Variants in CLTC observed in about 807,000 individuals in gnomAD.
CLTC encodes clathrin heavy chain, also known as clathrin heavy chain 1.
Under a neutral mutation model 195.8 loss-of-function variants are expected in CLTC, and 16 were observed. The observed-to-expected ratio is 0.08, with a 90% confidence interval of 0.06 to 0.12. The LOEUF is 0.12. Among genes scored for constraint, CLTC ranks in the 10% least tolerant of loss-of-function variants. CLTC has a pLI of 1.00. For synonymous variants in CLTC, 667 were observed against 689.4 expected (o/e 0.97, Z 0.51); for missense variants, 796 against 2,027.0 (o/e 0.39, Z 11.66).
rs547001087 is a variant in CLTC at position 59,683,810 on chromosome 17, C to T, written c.4323+54C>T. On this transcript the variant is annotated intron_variant, in intron 27 of 31. Transcript: ENST00000269122. The surrounding 1 kb of genome is among the most constrained non-coding windows in gnomAD (Gnocchi z 6.1). ...CATAGCAAGGAATTAGGACATACTT[C>T]GATAACTTTTGTCCCTGGGACTTCA... The T allele has an allele frequency of 1.6e-4, 264 of 1,612,160 alleles. No homozygotes were observed. Among genetic ancestry groups the T allele is most frequent in the Non-Finnish European group, 2.1e-4 (245 of 1,178,438 alleles).
At chr17:59,660,733 CT>C in intron 7 of CLTC, 145 bp downstream of exon 7, 2 of 764,174 alleles carry the variant, frequency 2.6e-6, no homozygotes, top group Non-Finnish European at 4.2e-6. Context: ...AGTAGAATTC[CT>C]TGTCAATGCC....
chr17:59,686,295 A>G (rs1163459699), intron 30 of CLTC, among the ~76,000 whole-genome samples: 2 of 151,592 alleles, frequency 1.3e-5, no homozygotes, highest in Non-Finnish European at 2.9e-5. Context: ...GGAGGTGAAC[A>G]TGGGAAAAAA....
chr17:59,684,806 C>CAAAAAATAAAAAAAA (rs2033146950), intron 28 of CLTC, among the ~76,000 whole-genome samples: 1 of 127,768 alleles, frequency 7.8e-6, no homozygotes. Context: ...GACTCCATCT[C>CAAAAAATAAAAAAAA]AAAAAAAAAG....
At chr17:59,637,554 T>TAA (rs545077564) in intron 1 of CLTC, among the ~76,000 whole-genome samples, 2 of 131,370 alleles carry the variant, frequency 1.5e-5, no homozygotes, top group Admixed American at 7.7e-5. Flanking sequence ...TGAAGTTTCT[T>TAA]AAAAAAAAAA....
In CLTC at chr17:59,693,708, T is replaced by A; in HGVS notation, c.4904-20T>A. 6.2e-7 allele frequency: 1 copy of A among 1,606,160 alleles called. No individual in the cohort carries two copies. On this transcript the variant is annotated intron_variant, in intron 31 of 31. Transcript: ENST00000269122. ...TCCTTGCCCCTGCCCCCTGCTCCTT[T>A]TTGTTTTCTTCTACTGTAGGTCAGC...
chr17:59,684,450 C>T (rs1299863926), intron 28 of CLTC: 7 of 169,378 alleles, frequency 4.1e-5, no homozygotes, highest in South Asian at 1.4e-4. Context: ...TGAGGCTCAG[C>T]GCATGCAGAT....
At chr17:59,620,926 C>G (rs1567919367) in intron 1 of CLTC, among the ~76,000 whole-genome samples, 2 of 152,170 alleles carry the variant, frequency 1.3e-5, no homozygotes, top group African/African-American at 4.8e-5. Flanking sequence ...CTTAACCCCT[C>G]TTTGGTTCTG....
chr17:59,677,529 C>G (rs566319758), intron 17 of CLTC, among the ~76,000 whole-genome samples: 1 of 152,056 alleles, frequency 6.6e-6, no homozygotes, highest in South Asian at 2.1e-4. Context: ...GGCCTTATAC[C>G]CCTTCCGAGT....
chr17:59,637,585 G>A (rs1319965772), intron 1 of CLTC, among the ~76,000 whole-genome samples: 2 of 146,610 alleles, frequency 1.4e-5, no homozygotes, highest in South Asian at 2.2e-4. Context: ...TTTTTTAGCC[G>A]GGTACAGTGA....
intron 31 of CLTC, among the ~76,000 whole-genome samples, chr17:59,692,930 G>A (rs961238361): frequency 3.9e-5 from 6 of 152,060 alleles, no homozygotes; most frequent in East Asian, 1.9e-4. Context: ...GAGCCACCGC[G>A]CCCGGCCCAA....
At chr17:59,689,025 C>CA (rs1264589070) in intron 30 of CLTC, 3 of 151,816 alleles carry the variant, frequency 2.0e-5, no homozygotes, top group Non-Finnish European at 4.4e-5. Flanking sequence ...GTGTGGATGC[C>CA]AAAAAATGGA....
chr17:59,638,055 G>A (rs1283510714), intron 1 of CLTC, among the ~76,000 whole-genome samples: 1 of 150,622 alleles, frequency 6.6e-6, no homozygotes, highest in African/African-American at 2.4e-5. Flanking sequence ...TCTAGTATCA[G>A]TAGTTGAAAG....
chr17:59,628,096 C>T (rs545286332), intron 1 of CLTC, among the ~76,000 whole-genome samples: 1 of 152,230 alleles, frequency 6.6e-6, no homozygotes, highest in Non-Finnish European at 1.5e-5. Context: ...ACTTCTTGTT[C>T]CTAATCCTTA....
chr17:59,689,332 G>T (rs944467966), intron 30 of CLTC: 1 of 152,032 alleles, frequency 6.6e-6, no homozygotes, highest in African/African-American at 2.4e-5. Context: ...AAGACTGAAA[G>T]ATACTTTTTT....
chr17:59,683,912 C>T lies in CLTC; in HGVS notation c.4361C>T (p.Ser1454Leu). 1 of 1,613,784 alleles carries T rather than the reference C, an allele frequency of 6.2e-7. No individual in the cohort carries two copies. Among genetic ancestry groups the T allele is most frequent in the Non-Finnish European group, 8.5e-7 (1 of 1,179,720 alleles). ...CCACTGGTGAAACCGTATTTGCGTT[C>T]AGTTCAGAACCATAACAACAAATCT... ...QLPLVKPYLR[S>L]VQNHNNKSVN... Residue 1454 changes from serine to leucine, a missense_variant, in exon 28 of 32, where the codon TCA becomes TTA. Physicochemically the swap from Ser to Leu is moderately radical, Grantham distance 145. Around this residue, in one of 9 missense-constraint regions of CLTC, gnomAD observed 148 missense variants for 279.5 expected, o/e 0.53. Transcript: ENST00000269122. The surrounding 1 kb of genome is among the most constrained non-coding windows in gnomAD (Gnocchi z 6.1).
chr17:59,646,264 T>A (rs551241506), intron 2 of CLTC, among the ~76,000 whole-genome samples: 1 of 152,316 alleles, frequency 6.6e-6, no homozygotes, highest in South Asian at 2.1e-4. Flanking sequence ...TCCAAAATAC[T>A]GCTTCCCTCT....
At position 59,685,552 on chromosome 17, in the gene CLTC, C is replaced by A; in HGVS notation, c.4606-35C>A. The A allele has an allele frequency of 6.5e-7, 1 of 1,537,478 alleles. No individual in the cohort carries two copies. The highest frequency in any genetic ancestry group is 1.1e-5 in the South Asian group (1 of 88,802). ...GGTTTACTAGTTCAGTATGTGGGGT[C>A]TAATGTTTTTGACTTTCACTATTTC... On this transcript the variant is annotated intron_variant, in intron 29 of 31. Transcript: ENST00000269122. The surrounding 1 kb of genome is among the most constrained non-coding windows in gnomAD (Gnocchi z 5.0).
intron 5 of CLTC, among the ~76,000 whole-genome samples, chr17:59,653,232 C>T (rs955860419): frequency 8.6e-5 from 13 of 151,116 alleles, no homozygotes; most frequent in African/African-American, 2.4e-4. Context: ...CTCTCTCTGT[C>T]GCCCAGGCTG....
chr17:59,667,128 G>A (rs1422253768), intron 13 of CLTC, 151 bp downstream of exon 13: 1 of 560,140 alleles, frequency 1.8e-6, no homozygotes, highest in African/African-American at 1.9e-5. Context: ...TATATGTCAA[G>A]GCCCTTTTAT....
Sources: gnomAD v4.1 joint callset for allele counts (sites outside exome capture counted in the v4.1 genomes callset) on GRCh38, gnomAD v4.1.1 for gene constraint, gnomAD v4.1.1 regional missense constraint, Gnocchi (gnomAD v3.1) non-coding constraint, MANE v1.5 for transcripts, NCBI Gene and HGNC (gene_info 2026-07-23, HGNC 2026-07-21) for gene names.